Variants in BRINP3 observed in about 807,000 individuals in gnomAD.
BRINP3 encodes BMP/retinoic acid-inducible neural-specific protein 3.
BRINP3 carries 19 observed loss-of-function variants against 71.0 expected under a neutral mutation model. The observed-to-expected ratio is 0.27, with a 90% confidence interval of 0.19 to 0.39. The LOEUF is 0.39. Among genes scored for constraint, BRINP3 ranks in the 10% least tolerant of loss-of-function variants. BRINP3 has a pLI of 1.00. For missense variants in BRINP3, 959 were observed against 940.8 expected (o/e 1.02, Z -0.25); for synonymous variants, 380 against 337.7 (o/e 1.13, Z -1.37).
In BRINP3 at chr1:190,307,369, A is replaced by G. The variant is rs551264461; in HGVS notation, c.237-25619T>C. Among the ~76,000 whole-genome samples the G allele has an allele frequency of 3.5e-5, 5 of 143,886 alleles. No homozygotes were observed. In the East Asian group the frequency reaches 1.1e-3, roughly 31 times the overall value. The allele number at this position is 143,886 out of a possible 152,430, so 94.4% of individuals were successfully genotyped here. On this transcript the variant is annotated intron_variant, in intron 2 of 7. Transcript: ENST00000367462. ...CTGTAACCTCTGCCTCCCAGGTTCAAATTATTCTCATGACTCAGCCTCTCA... is the reference window on the plus strand; with the variant it reads ...CTGTAACCTCTGCCTCCCAGGTTCAGATTATTCTCATGACTCAGCCTCTCA...
intron 5 of BRINP3, among the ~76,000 whole-genome samples, 185 bp downstream of exon 5, chr1:190,234,187 A>G (rs567272161): frequency 6.2e-4 from 94 of 152,264 alleles, no homozygotes; most frequent in African/African-American, 2.2e-3. Context: ...AATTTTTGAT[A>G]TTTTATTCAT....
intron 2 of BRINP3, among the ~76,000 whole-genome samples, chr1:190,381,661 A>G (rs1670556482): frequency 6.6e-6 from 1 of 152,092 alleles, no homozygotes; most frequent in African/African-American, 2.4e-5. Context: ...CCAAAGATTC[A>G]TTAAATATCA....
At chr1:190,198,438 C>T (rs1654691434) in intron 6 of BRINP3, among the ~76,000 whole-genome samples, 1 of 152,062 alleles carries the variant, frequency 6.6e-6, no homozygotes. Flanking sequence ...CTCTGCTTTC[C>T]CTTTTAAATA....
intron 3 of BRINP3, among the ~76,000 whole-genome samples, chr1:190,270,600 A>T (rs528536568): frequency 1.1e-3 from 165 of 151,890 alleles, no homozygotes; most frequent in African/African-American, 3.0e-3. Context: ...ATATGAGTAT[A>T]TGGGTATTCA....
intron 6 of BRINP3, among the ~76,000 whole-genome samples, chr1:190,207,844 AG>A (rs1316534040): frequency 1.3e-5 from 2 of 152,164 alleles, no homozygotes; most frequent in African/African-American, 2.4e-5. Context: ...GATCCTTAAA[AG>A]TAACTCACAG....
At chr1:190,341,162 A>G (rs1325269555) in intron 2 of BRINP3, among the ~76,000 whole-genome samples, 1 of 151,852 alleles carries the variant, frequency 6.6e-6, no homozygotes, top group African/African-American at 2.4e-5. Flanking sequence ...CAGAAAAGCA[A>G]TCAGCCACTA....
intron 6 of BRINP3, among the ~76,000 whole-genome samples, chr1:190,170,589 T>A (rs759745487): frequency 6.6e-6 from 1 of 152,110 alleles, no homozygotes; most frequent in Non-Finnish European, 1.5e-5. Context: ...AAATAACATA[T>A]GTTTTACAAT....
At chr1:190,395,906 T>C (rs561453352) in intron 2 of BRINP3, among the ~76,000 whole-genome samples, 2 of 151,806 alleles carry the variant, frequency 1.3e-5, no homozygotes, top group African/African-American at 4.8e-5. Flanking sequence ...ATGTCCCTTC[T>C]AACACCTTCA....
chr1:190,138,541 A>G (rs866370032), intron 7 of BRINP3, among the ~76,000 whole-genome samples: 4 of 152,248 alleles, frequency 2.6e-5, no homozygotes, highest in African/African-American at 9.6e-5. Context: ...AAGAGCTCAG[A>G]TGTTAGTTTT....
At chr1:190,241,013 T>C (rs967950822) in intron 4 of BRINP3, among the ~76,000 whole-genome samples, 5 of 151,974 alleles carry the variant, frequency 3.3e-5, no homozygotes, top group African/African-American at 1.2e-4. Context: ...GGCAATAATT[T>C]ATTTCTATTA....
Position 190,310,009 on chromosome 1 carries a change from G to A in BRINP3, c.237-28259C>T, listed in dbSNP as rs1263903136. Among the ~76,000 whole-genome samples, 6 of 151,476 alleles carry A rather than the reference G, an allele frequency of 4.0e-5. No individual in the cohort carries two copies. In the South Asian group the frequency reaches 1.0e-3, roughly 26 times the overall value. On this transcript the variant is annotated intron_variant, in intron 2 of 7. Coordinates refer to ENST00000367462, the MANE Select transcript of BRINP3 (RefSeq NM_199051.3). Reference sequence around the variant, plus strand: ...GTCTGCAGCTGGAATACATGGAGTAGGCTACAATGGCCAATCTCTAGTGTC... The same window carrying A: ...GTCTGCAGCTGGAATACATGGAGTAAGCTACAATGGCCAATCTCTAGTGTC...
intron 2 of BRINP3, among the ~76,000 whole-genome samples, chr1:190,358,330 T>C (rs1171337): frequency 0.75 from 114,451 of 151,948 alleles, 43,295 homozygotes; most frequent in Non-Finnish European, 0.79. Context: ...AAGCAAACAA[T>C]CCCATCAACA....
Position 190,278,997 on chromosome 1 carries a change from T to C in BRINP3, c.427+2563A>G, listed in dbSNP as rs187725865. ...AGGAACAAGAATGTCTATGGAACCA[T>C]TGGTGTTTTTGATCTCTTCTGTCTT... On this transcript the variant is annotated intron_variant, in intron 3 of 7. Coordinates refer to ENST00000367462, the MANE Select transcript of BRINP3 (RefSeq NM_199051.3). Among the ~76,000 whole-genome samples the C allele has an allele frequency of 2.8e-4, 42 of 151,856 alleles. 1 individual carries two copies. Among genetic ancestry groups the C allele is most frequent in the Middle Eastern group, 6.8e-3 (2 of 294 alleles).
intron 6 of BRINP3, among the ~76,000 whole-genome samples, chr1:190,208,415 T>C (rs907309818): frequency 6.6e-6 from 1 of 152,120 alleles, no homozygotes; most frequent in Non-Finnish European, 1.5e-5. Context: ...GGGTTTTCCT[T>C]ATGTAATAAT....
At chr1:190,137,406 C>T (rs775589739) in intron 7 of BRINP3, among the ~76,000 whole-genome samples, 13 of 148,568 alleles carry the variant, frequency 8.8e-5, no homozygotes, top group Non-Finnish European at 1.5e-4. Flanking sequence ...AATATTCTCT[C>T]GGGTGAGAAT....
chr1:190,225,268 T>C (rs1266681201), intron 6 of BRINP3, among the ~76,000 whole-genome samples: 5 of 152,016 alleles, frequency 3.3e-5, no homozygotes, highest in African/African-American at 9.7e-5. Flanking sequence ...GTGTTATATA[T>C]ACACAATGGA....
intron 1 of BRINP3, chr1:190,474,929 C>T (rs1483841479): frequency 6.6e-6 from 1 of 152,144 alleles, no homozygotes; most frequent in African/African-American, 2.4e-5. Context: ...ACTTCCCACC[C>T]CCACCTCCAG....
rs553650706 is a variant in BRINP3 at position 190,203,750 on chromosome 1, AATATATATAT to A, written c.961+22322_961+22331del. 2.1e-3 allele frequency among the ~76,000 whole-genome samples: 84 copies of A among 39,314 alleles called. 1 individual carries two copies. The highest frequency in any genetic ancestry group is 3.0e-3 in the Non-Finnish European group (58 of 19,468). The allele number at this position is 39,314 out of a possible 152,430, so 25.8% of individuals were successfully genotyped here. ...CAGAAAGCAAGATATCACTAAAGAA[AATATATATAT>A]ATATATATATATATATATATATATA... is the stretch of plus-strand genomic sequence containing the variant. On this transcript the variant is annotated intron_variant, in intron 6 of 7. Transcript: ENST00000367462.
intron 3 of BRINP3, among the ~76,000 whole-genome samples, chr1:190,271,577 T>C (rs1298779489): frequency 2.6e-5 from 4 of 151,616 alleles, no homozygotes; most frequent in Non-Finnish European, 5.9e-5. Flanking sequence ...TTATTTGTGA[T>C]GAGAAGTTGG....
Sources: gnomAD v4.1 joint callset for allele counts (sites outside exome capture counted in the v4.1 genomes callset) on GRCh38, gnomAD v4.1.1 for gene constraint, MANE v1.5 for transcripts, NCBI Gene and HGNC (gene_info 2026-07-23, HGNC 2026-07-21) for gene names.